Variants in IFT43 observed in about 807,000 individuals in gnomAD.
IFT43 encodes the protein intraflagellar transport protein 43 homolog.
Under a neutral mutation model 32.3 loss-of-function variants are expected in IFT43, and 33 were observed. The observed-to-expected ratio is 1.02, with a 90% confidence interval of 0.77 to 1.37. IFT43 has a LOEUF of 1.37. IFT43 is among the 40% of genes most tolerant of loss of function. The pLI is 0.00. For missense variants in IFT43, 274 were observed against 265.9 expected, an observed-to-expected ratio of 1.03 and a Z score of -0.21; for synonymous variants, 93 against 98.2, an observed-to-expected ratio of 0.95 and a Z score of 0.31.
intron 3 of IFT43, among the ~76,000 whole-genome samples, chr14:76,029,257 T>A (rs1422601260): frequency 2.0e-5 from 3 of 152,270 alleles, no homozygotes; most frequent in African/African-American, 7.2e-5. Context: ...GCTGCTTGTA[T>A]GTCTTCTTTT....
chr14:76,048,862 C>G (rs571501615), intron 3 of IFT43, among the ~76,000 whole-genome samples: 1 of 152,328 alleles, frequency 6.6e-6, no homozygotes, highest in South Asian at 2.1e-4. Context: ...CACACATGGT[C>G]CTGTGCTCCC....
chr14:75,986,090 C>T, intron 1 of IFT43: 1 of 1,466,280 alleles, frequency 6.8e-7, no homozygotes, highest in Non-Finnish European at 9.1e-7. Context: ...GCGTCTAGGA[C>T]CGTGGGAAAT....
At chr14:75,999,619 G>T (rs2035845053) in intron 2 of IFT43, among the ~76,000 whole-genome samples, 1 of 152,070 alleles carries the variant, frequency 6.6e-6, no homozygotes, top group African/African-American at 2.4e-5. Context: ...AACCCAGAAG[G>T]ATCACCTCAC....
chr14:76,013,778 TG>T (rs1319907280), intron 2 of IFT43: 2 of 311,280 alleles, frequency 6.4e-6, no homozygotes, highest in South Asian at 6.6e-5. Flanking sequence ...ATTCTTGACT[TG>T]GCAAGGGCTA....
chr14:76,051,330 A>G (rs2036910202), intron 3 of IFT43, among the ~76,000 whole-genome samples: 1 of 151,426 alleles, frequency 6.6e-6, no homozygotes, highest in South Asian at 2.1e-4. Flanking sequence ...TCTGTTGGAC[A>G]AGGAAAACTT....
chr14:76,004,039 G>A (rs1467836745), intron 2 of IFT43, among the ~76,000 whole-genome samples: 3 of 152,140 alleles, frequency 2.0e-5, no homozygotes, highest in Non-Finnish European at 4.4e-5. Context: ...GCCTCCCAAA[G>A]TGCTGGGATT....
At chr14:75,986,480 C>T (rs1207653074) in intron 1 of IFT43, among the ~76,000 whole-genome samples, 1 of 151,072 alleles carries the variant, frequency 6.6e-6, no homozygotes, top group East Asian at 1.9e-4. Flanking sequence ...AACGATTTAA[C>T]CTTTCCGAGC....
At chr14:76,036,967 G>C (rs567075343) in intron 3 of IFT43, among the ~76,000 whole-genome samples, 3 of 152,252 alleles carry the variant, frequency 2.0e-5, no homozygotes, top group African/African-American at 7.2e-5. Flanking sequence ...AGCTAGGACA[G>C]GTGCACGCCA....
At chr14:76,055,647 G>C (rs1280900178) in intron 3 of IFT43, among the ~76,000 whole-genome samples, 1 of 152,198 alleles carries the variant, frequency 6.6e-6, no homozygotes, top group Non-Finnish European at 1.5e-5. Flanking sequence ...CTAGCCTGAG[G>C]TGCCTTTGAG....
chr14:76,017,505 A>AGTT (rs1296490035), intron 2 of IFT43, among the ~76,000 whole-genome samples: 1 of 151,832 alleles, frequency 6.6e-6, no homozygotes, highest in Non-Finnish European at 1.5e-5. Context: ...GTTGGCCTAT[A>AGTT]GTTGTTGTTG....
intron 2 of IFT43, among the ~76,000 whole-genome samples, chr14:75,996,885 G>A (rs558519418): frequency 1.3e-5 from 2 of 152,330 alleles, no homozygotes; most frequent in Non-Finnish European, 2.9e-5. Flanking sequence ...GGAGCTTTCT[G>A]TGTGCCAGGT....
intron 3 of IFT43, among the ~76,000 whole-genome samples, chr14:76,032,727 C>T (rs35863374): frequency 0.021 from 3,198 of 152,218 alleles, 65 homozygotes; most frequent in African/African-American, 0.052. Context: ...ACTTTACTTT[C>T]GGTGTGGAAG....
At chr14:75,986,548 C>CA (rs1380421747) in intron 1 of IFT43, among the ~76,000 whole-genome samples, 1 of 151,900 alleles carries the variant, frequency 6.6e-6, no homozygotes, top group Non-Finnish European at 1.5e-5. Flanking sequence ...TGCAACAATA[C>CA]ATGGGAAGCG....
At chr14:76,010,247 C>T (rs1294871725) in intron 2 of IFT43, among the ~76,000 whole-genome samples, 2 of 152,164 alleles carry the variant, frequency 1.3e-5, no homozygotes, top group South Asian at 2.1e-4. Flanking sequence ...CTTGAGACCC[C>T]GTGTTTTGGG....
At chr14:75,992,766 C>T (rs928770511) in intron 2 of IFT43, among the ~76,000 whole-genome samples, 1 of 152,154 alleles carries the variant, frequency 6.6e-6, no homozygotes, top group Admixed American at 6.5e-5. Flanking sequence ...GTCTCAAACT[C>T]CTGGCCTCAA....
intron 3 of IFT43, among the ~76,000 whole-genome samples, chr14:76,049,938 C>T (rs1489843644): frequency 1.1e-4 from 17 of 152,150 alleles, no homozygotes; most frequent in Admixed American, 1.1e-3. Context: ...GTAATACCAA[C>T]TTATTTGGTC....
At chr14:76,040,563 A>T (rs2140006824) in intron 3 of IFT43, among the ~76,000 whole-genome samples, 1 of 152,260 alleles carries the variant, frequency 6.6e-6, no homozygotes, top group East Asian at 1.9e-4. Context: ...GCAAGCAGAG[A>T]TGTTCTAGGT....
intron 1 of IFT43, 115 bp from the exon 2 acceptor site, chr14:75,988,770 G>A (rs1025465485): frequency 1.2e-5 from 18 of 1,503,570 alleles, no homozygotes; most frequent in African/African-American, 8.2e-5. Flanking sequence ...TGCCTGCCTC[G>A]TCCTCCCAAA....
intron 2 of IFT43, among the ~76,000 whole-genome samples, chr14:75,999,228 T>C (rs1291211108): frequency 8.6e-4 from 4 of 4,670 alleles, no homozygotes; most frequent in African/African-American, 5.0e-3. Context: ...AAATTCATTT[T>C]ATATATATAT....
Sources: gnomAD v4.1 joint callset for allele counts (sites outside exome capture counted in the v4.1 genomes callset) on GRCh38, gnomAD v4.1.1 for gene constraint, MANE v1.5 for transcripts, NCBI Gene and HGNC (gene_info 2026-07-23, HGNC 2026-07-21) for gene names.